The following MYOM1 variants were observed in gnomAD, a reference collection of about 807,000 sequenced individuals.
MYOM1 encodes the protein myomesin-1.
In MYOM1, 164 loss-of-function variants were observed where a neutral mutation model predicts 205.3. The observed-to-expected ratio is 0.80, with a 90% CI of 0.70 to 0.91. The LOEUF (loss-of-function observed/expected upper bound fraction) is 0.91. Among genes scored for constraint, MYOM1 ranks in the 40% least tolerant of loss-of-function variants. MYOM1 has a pLI of 0.00. For missense variants in MYOM1, 2,011 were observed against 2,127.3 expected (o/e 0.95, Z 1.08); for synonymous variants, 772 against 789.4 (o/e 0.98, Z 0.37).
chr18:3,165,908 A>G (rs1324803921), intron 9 of MYOM1, among the ~76,000 whole-genome samples: 1 of 152,186 alleles, frequency 6.6e-6, no homozygotes, highest in African/African-American at 2.4e-5. Flanking sequence ...TTGGAATGCC[A>G]TGGTGCCACA....
chr18:3,203,728 C>CT (rs57414934), intron 2 of MYOM1, among the ~76,000 whole-genome samples: 27,908 of 145,048 alleles, frequency 0.19, 2,610 homozygotes, highest in South Asian at 0.23. Flanking sequence ...AATCATTTCT[C>CT]TTTTTTTTTT....
intron 5 of MYOM1, among the ~76,000 whole-genome samples, chr18:3,186,871 GGA>G (rs200138924): frequency 0.024 from 3,312 of 140,536 alleles, 124 homozygotes; most frequent in African/African-American, 0.082. Flanking sequence ...AGGAAGGAAG[GGA>G]GAGAGAGAAA....
rs1454727106 is a variant in MYOM1, at chr18:3,174,215, G to T, written c.1023-7C>A. 2 of 1,609,940 alleles carry T rather than the reference G, an allele frequency of 1.2e-6. No individual in the cohort carries two copies. The highest frequency in any genetic ancestry group is 1.1e-5 in the South Asian group (1 of 90,528). ...TGTATCTTCAAAATCACATCTGAAA[G>T]AACAGACGGAAATGAATATCCATCG... On this transcript the variant is annotated splice_polypyrimidine_tract_variant and splice_region_variant and intron_variant, in intron 6 of 37. Transcript: ENST00000356443.
At chr18:3,163,795 T>C (rs2144046533) in intron 10 of MYOM1, among the ~76,000 whole-genome samples, 1 of 152,136 alleles carries the variant, frequency 6.6e-6, no homozygotes, top group East Asian at 1.9e-4. Context: ...CAATGTAATC[T>C]GCAAGAATTT....
At chr18:3,141,912 G>C in intron 14 of MYOM1, 27 bp downstream of exon 14, 1 of 1,612,746 alleles carries the variant, frequency 6.2e-7, no homozygotes, top group Non-Finnish European at 8.5e-7. Flanking sequence ...GAGGTAGTAT[G>C]AGGTCATGTT....
At chr18:3,076,979 T>C (rs1598648023) in intron 34 of MYOM1, among the ~76,000 whole-genome samples, 1 of 151,420 alleles carries the variant, frequency 6.6e-6, no homozygotes, top group Non-Finnish European at 1.5e-5. Flanking sequence ...CCCAAACTGC[T>C]GGGATTACAG....
At chr18:3,194,888 T>C (rs1007888685) in intron 2 of MYOM1, among the ~76,000 whole-genome samples, 5 of 148,576 alleles carry the variant, frequency 3.4e-5, no homozygotes, top group Non-Finnish European at 5.9e-5. Flanking sequence ...TGTAATCATT[T>C]TGTAAATTTG....
chr18:3,197,442 T>TA (rs1035319243), intron 2 of MYOM1, among the ~76,000 whole-genome samples: 11 of 152,152 alleles, frequency 7.2e-5, no homozygotes, highest in African/African-American at 2.6e-4. Flanking sequence ...ACTCTCAATT[T>TA]AAAAAAATTG....
At chr18:3,112,536 A>T (rs1042398757) in intron 21 of MYOM1, 124 bp from the exon 22 acceptor site, 4 of 603,150 alleles carry the variant, frequency 6.6e-6, no homozygotes, top group African/African-American at 1.9e-5. Context: ...GGGATACAAG[A>T]CTTGTGGTCT....
chr18:3,239,994 T>C, the MYOM1 span, among the ~76,000 whole-genome samples: 2 of 152,254 alleles, frequency 1.3e-5, no homozygotes, highest in South Asian at 4.1e-4. Context: ...TCACAACCAC[T>C]GAATAAAGTG....
At chr18:3,081,806 G>GATAATAATAA (rs2079089377) in intron 33 of MYOM1, among the ~76,000 whole-genome samples, 1 of 152,142 alleles carries the variant, frequency 6.6e-6, no homozygotes, top group Non-Finnish European at 1.5e-5. Context: ...TTATGACTCA[G>GATAATAATAA]GAAATAATAA....
chr18:3,227,907 G>A, the MYOM1 span, among the ~76,000 whole-genome samples: 1 of 152,166 alleles, frequency 6.6e-6, no homozygotes, highest in Non-Finnish European at 1.5e-5. Context: ...CCACTGAACT[G>A]TATCCCTAAA....
Position 3,067,325 on chromosome 18 carries a change from G to A in MYOM1, c.4995C>T (p.Ile1665=), listed in dbSNP as rs367698263. Residue 1665 remains isoleucine, a synonymous_variant, in exon 38 of 38, where the codon ATC becomes ATT. Transcript: ENST00000356443. Reference sequence around the variant, plus strand: ...CGGCCATCCTCGCCTCCTCCTCTGGGATGAACACGCTGACGGTGAAGTCGC... The same window carrying A: ...CGGCCATCCTCGCCTCCTCCTCTGGAATGAACACGCTGACGGTGAAGTCGC... ...ETSDFTVSVF[I]PEEEARMAAL... The A allele has an allele frequency of 2.1e-5, 34 of 1,611,944 alleles. No individual in the cohort carries two copies. The African/African-American group carries it at 3.6e-4, about 17-fold the overall frequency.
chr18:3,164,848 C>A (rs1395095768), intron 9 of MYOM1, among the ~76,000 whole-genome samples: 1 of 152,106 alleles, frequency 6.6e-6, no homozygotes, highest in Non-Finnish European at 1.5e-5. Context: ...TAATACGTTA[C>A]TAGTAGGAGA....
In MYOM1 at chr18:3,100,241, A is replaced by G. The variant is rs773958418; in HGVS notation, c.3683-38T>C. Reference sequence around the variant, plus strand: ...AAAGAAGGCAGTTAAACCTTAAACTACTAAAATAAAAGTCACTTAAGAATA... The same window carrying G: ...AAAGAAGGCAGTTAAACCTTAAACTGCTAAAATAAAAGTCACTTAAGAATA... On this transcript the variant is annotated intron_variant, in intron 24 of 37. Coordinates refer to ENST00000356443, the MANE Select transcript of MYOM1 (RefSeq NM_003803.4). The G allele has an allele frequency of 1.6e-5, 26 of 1,613,592 alleles. No individual in the cohort carries two copies. The Admixed American group carries it at 4.0e-4, about 25-fold the overall frequency.
chr18:3,139,141 T>G (rs1225284638), intron 14 of MYOM1, among the ~76,000 whole-genome samples: 1 of 152,134 alleles, frequency 6.6e-6, no homozygotes. Flanking sequence ...TATACAGGCA[T>G]GATGAAAACA....
At position 3,102,560 on chromosome 18, in the gene MYOM1, CATCTTAT is replaced by C; in HGVS notation, c.3482_3488del (p.Asp1161GlyfsTer33). On this transcript the variant is annotated frameshift_variant, in exon 23 of 38. Coordinates refer to ENST00000356443, the MANE Select transcript of MYOM1 (RefSeq NM_003803.4). LOFTEE classifies it high-confidence loss of function. The stretch of plus-strand genomic sequence containing the variant: ...ACCAGGAGAACTCGGACTTTGGAGT[CATCTTAT>C]CACACTCGAAGTTCAATGAAATGAC... 6.2e-7 allele frequency: 1 copy of C among 1,613,912 alleles called. No homozygotes were observed. Among genetic ancestry groups the C allele is most frequent in the Non-Finnish European group, 8.5e-7 (1 of 1,179,846 alleles).
intron 27 of MYOM1, 92 bp from the exon 28 acceptor site, chr18:3,089,688 T>G: frequency 1.1e-6 from 1 of 946,620 alleles, no homozygotes; most frequent in South Asian, 1.7e-5. Flanking sequence ...TATTCATTAT[T>G]GTAACACTCA....
chr18:3,187,190 G>T (rs528407443), intron 5 of MYOM1, among the ~76,000 whole-genome samples: 86 of 152,248 alleles, frequency 5.6e-4, no homozygotes, highest in African/African-American at 2.0e-3. Flanking sequence ...CATATATTTG[G>T]TATGTTGGTA....
Sources: allele counts gnomAD v4.1 joint callset (sites outside exome capture counted in the v4.1 genomes callset), GRCh38; gene constraint gnomAD v4.1.1; transcripts MANE v1.5; gene names NCBI Gene and HGNC (gene_info 2026-07-23, HGNC 2026-07-21).